Variants in ARHGEF10 observed in about 807,000 individuals in gnomAD.
ARHGEF10 encodes Rho guanine nucleotide exchange factor 10.
A neutral mutation model predicts 147.4 loss-of-function variants in ARHGEF10; 140 were observed. The observed-to-expected ratio is 0.95, with a 90% CI of 0.83 to 1.09. The LOEUF is 1.09. ARHGEF10 is among the 50% of genes least tolerant of loss of function. ARHGEF10 has a pLI of 0.00. For missense variants in ARHGEF10, 2,222 were observed against 1,752.7 expected (o/e 1.27, Z -4.78); for synonymous variants, 902 against 695.8 (o/e 1.30, Z -4.67).
chr8:1,827,640 T>C (rs1464249963), intron 1 of ARHGEF10, among the ~76,000 whole-genome samples: 1 of 152,246 alleles, frequency 6.6e-6, no homozygotes, highest in African/African-American at 2.4e-5. Context: ...GATTTTTCCT[T>C]TCCTTCCATC....
chr8:1,862,960 T>C (rs759195908), intron 4 of ARHGEF10, among the ~76,000 whole-genome samples: 9 of 151,794 alleles, frequency 5.9e-5, no homozygotes, highest in Non-Finnish European at 2.9e-5. Flanking sequence ...TTGTATTTTT[T>C]TTTTAGTAGA....
At chr8:1,824,220 G>T (rs1403174272) in intron 1 of ARHGEF10, 107 bp downstream of exon 1, 1 of 152,162 alleles carries the variant, frequency 6.6e-6, no homozygotes, top group Non-Finnish European at 1.5e-5. Context: ...CCACCCGGAG[G>T]TGGCTGCGCC....
At chr8:1,891,455 C>T (rs1809519216) in intron 11 of ARHGEF10, among the ~76,000 whole-genome samples, 1 of 152,170 alleles carries the variant, frequency 6.6e-6, no homozygotes, top group Non-Finnish European at 1.5e-5. Flanking sequence ...AAGGGTCGTT[C>T]TTTACTTGGA....
Position 1,860,149 on chromosome 8 carries a change from C to A in ARHGEF10, c.446C>A (p.Pro149Gln), listed in dbSNP as rs766944309. ...CTCCTGCTGCCCGCCTACTCCAGCC[C>A]GGTCATCATCTGCGCCACGTCCCTG... ...LPLLLPAYSS[P>Q]VIICATSLDE... is the part of the protein sequence containing the mutation. Residue 149 changes from proline to glutamine, a missense_variant, in exon 4 of 29, where the codon CCG becomes CAG. Pro to Gln is a moderately conservative substitution (Grantham distance 76, BLOSUM62 -1). Transcript: ENST00000349830. 6.2e-7 allele frequency: 1 copy of A among 1,613,692 alleles called. No homozygotes were observed. The highest frequency in any genetic ancestry group is 8.5e-7 in the Non-Finnish European group (1 of 1,179,986).
intron 26 of ARHGEF10, among the ~76,000 whole-genome samples, chr8:1,941,039 A>C (rs984760018): frequency 2.0e-5 from 3 of 152,238 alleles, no homozygotes; most frequent in African/African-American, 7.2e-5. Flanking sequence ...AAAGAAGAAA[A>C]GTTTTCCCCT....
Position 1,933,854 on chromosome 8 carries a change from T to G in ARHGEF10, c.3134T>G (p.Val1045Gly), listed in dbSNP as rs1185296093. 1 of 1,614,076 alleles carries G rather than the reference T, an allele frequency of 6.2e-7. No individual in the cohort carries two copies. Among genetic ancestry groups the G allele is most frequent in the East Asian group, 2.2e-5 (1 of 44,900 alleles). The change falls in exon 26 of 29, where the codon GTT becomes GGT. Residue 1045 changes from valine to glycine, a missense_variant. Val to Gly is a moderately radical substitution (Grantham distance 109). Transcript: ENST00000349830. ...GTGATCAAGTTAGGCGTCCTACCAG[T>G]TAGAAGTCTACTCATGATGGAAGAC... is the stretch of plus-strand genomic sequence containing the variant. ...QKVIKLGVLP[V>G]RSLLMMEDTL... is the part of the protein sequence containing the mutation.
chr8:1,873,593 A>C (rs11780264), intron 7 of ARHGEF10, among the ~76,000 whole-genome samples: 866 of 29,704 alleles, frequency 0.029, 2 homozygotes, highest in East Asian at 0.12. Context: ...CGCATTTCCT[A>C]GTTGCCTTGA....
At chr8:1,926,752 G>A (rs1812723572) in intron 23 of ARHGEF10, 2 of 440,074 alleles carry the variant, frequency 4.5e-6, no homozygotes, top group Non-Finnish European at 8.2e-6. Context: ...ATTTTAATAT[G>A]TTTTTCCATT....
intron 3 of ARHGEF10, among the ~76,000 whole-genome samples, chr8:1,859,561 C>T (rs538061292): frequency 6.6e-6 from 1 of 152,362 alleles, no homozygotes; most frequent in Admixed American, 6.5e-5. Flanking sequence ...ACAGCACCCG[C>T]CTCTCAGCTT....
Position 1,866,599 on chromosome 8 carries a change from G to C in ARHGEF10, c.619G>C (p.Glu207Gln), listed in dbSNP as rs909278641. The C allele has an allele frequency of 6.2e-7, 1 of 1,604,698 alleles. No homozygotes were observed. The highest frequency in any genetic ancestry group is 8.5e-7 in the Non-Finnish European group (1 of 1,179,972). Residue 207 changes from glutamate to glutamine, a missense_variant, in exon 6 of 29, where the codon GAG (glutamate) becomes CAG (glutamine). Coordinates refer to ENST00000349830, the MANE Select transcript of ARHGEF10 (RefSeq NM_014629.4). ...AADPANTAWMENPEEAIYDDV... is the reference protein window; with the variant it reads ...AADPANTAWMQNPEEAIYDDV... Reference sequence around the variant, plus strand: ...AGACCCGGCCAACACAGCCTGGATGGAGAGTAAGTTCCCCAGCTGCCCACA... The same window carrying C: ...AGACCCGGCCAACACAGCCTGGATGCAGAGTAAGTTCCCCAGCTGCCCACA...
chr8:1,853,510 C>G (rs1805309988), intron 2 of ARHGEF10, among the ~76,000 whole-genome samples: 1 of 152,254 alleles, frequency 6.6e-6, no homozygotes, highest in South Asian at 2.1e-4. Context: ...TTTTTCTCAT[C>G]AGTGTTCTCC....
chr8:1,859,667 C>T (rs940803366), intron 3 of ARHGEF10, among the ~76,000 whole-genome samples: 4 of 152,210 alleles, frequency 2.6e-5, no homozygotes, highest in Admixed American at 6.5e-5. Flanking sequence ...ATGGGATGAG[C>T]CTCCTGTAGT....
chr8:1,868,962 T>C (rs1806849940), intron 6 of ARHGEF10, among the ~76,000 whole-genome samples: 1 of 152,182 alleles, frequency 6.6e-6, no homozygotes, highest in Non-Finnish European at 1.5e-5. Context: ...TAAATTATTC[T>C]GCCCTAAAAA....
Position 1,823,937 on chromosome 8 carries a change from G to C in ARHGEF10, c.-224G>C. ...GCCGTCCGGGCGGGAGGGGCTGGGC[G>C]CATCCCTGTAGCCGGCGGGCGCGCG... On this transcript the variant is annotated 5_prime_UTR_variant, in exon 1 of 29. Transcript: ENST00000349830. 6.6e-6 allele frequency: 1 copy of C among 151,418 alleles called. No homozygotes were observed. 9.4% of individuals were successfully genotyped at this position (151,418 alleles called of 1,614,324 possible). A position where few individuals can be genotyped will look rare whatever the true frequency, so the allele number is the denominator to read the frequency against.
At chr8:1,910,027 T>C (rs1811243199) in intron 18 of ARHGEF10, among the ~76,000 whole-genome samples, 1 of 152,162 alleles carries the variant, frequency 6.6e-6, no homozygotes, top group South Asian at 2.1e-4. Flanking sequence ...TGATTATTAT[T>C]ACCTAACATT....
At position 1,928,600 on chromosome 8, in the gene ARHGEF10, C is replaced by T. The variant is rs762368424; in HGVS notation, c.2871C>T (p.Ala957=). ...CACCCCCGGACCCCGAGACCCCGGC[C>T]GTGAGAGCTTCTGATGTCCCCACGA... ...PGAPPDPETP[A]VRASDVPTIC... Residue 957 remains alanine, a synonymous_variant, in exon 24 of 29, where the codon GCC becomes GCT. Coordinates refer to ENST00000349830, the MANE Select transcript of ARHGEF10 (RefSeq NM_014629.4). 9 of 1,614,062 alleles carry T rather than the reference C, an allele frequency of 5.6e-6. No homozygotes were observed. Among genetic ancestry groups the T allele is most frequent in the African/African-American group, 4.0e-5 (3 of 74,920 alleles).
rs758055858 is a variant in ARHGEF10 at position 1,933,881 on chromosome 8, CGTT to C, written c.3164_3166del (p.Leu1055del). On this transcript the variant is annotated inframe_deletion, in exon 26 of 29. Coordinates refer to ENST00000349830, the MANE Select transcript of ARHGEF10 (RefSeq NM_014629.4). ...AGAAGTCTACTCATGATGGAAGACA[CGTT>C]GTGGGCGGCTTCCGGAGGTCAAGTC... 176 of 1,614,026 alleles carry C rather than the reference CGTT, an allele frequency of 1.1e-4. No homozygotes were observed. The highest frequency in any genetic ancestry group is 1.4e-4 in the Non-Finnish European group (170 of 1,180,038).
At chr8:1,919,769 T>C (rs1812090568) in intron 18 of ARHGEF10, among the ~76,000 whole-genome samples, 1 of 149,092 alleles carries the variant, frequency 6.7e-6, no homozygotes, top group Non-Finnish European at 1.5e-5. Context: ...GTGATGGAGC[T>C]GTTCTATGGG....
At chr8:1,886,572 G>C (rs1167430871) in intron 11 of ARHGEF10, among the ~76,000 whole-genome samples, 1 of 152,240 alleles carries the variant, frequency 6.6e-6, no homozygotes, top group Non-Finnish European at 1.5e-5. Flanking sequence ...GAACAGCGAT[G>C]ACTGAAGTAT....
Sources: gnomAD v4.1 joint callset for allele counts (sites outside exome capture counted in the v4.1 genomes callset) on GRCh38, gnomAD v4.1.1 for gene constraint, MANE v1.5 for transcripts, NCBI Gene and HGNC (gene_info 2026-07-23, HGNC 2026-07-21) for gene names.